SOX6: variants seen among roughly 807,000 people sequenced by gnomAD.
The protein encoded by SOX6 is SRY-box transcription factor 6.
Under a neutral mutation model 97.8 loss-of-function variants are expected in SOX6, and 11 were observed. The ratio of observed to expected loss-of-function variants is 0.11; its 90% CI spans 0.07 to 0.19. The LOEUF (loss-of-function observed/expected upper bound fraction) is 0.19, where lower values mean the gene tolerates loss of function less well. Among genes scored for constraint, SOX6 ranks in the 10% least tolerant of loss-of-function variants. The pLI is 1.00. For missense variants in SOX6, 810 were observed against 1,039.5 expected, an observed-to-expected ratio of 0.78 and a Z score of 3.04; for synonymous variants, 360 against 371.4, an observed-to-expected ratio of 0.97 and a Z score of 0.35.
At chr11:16,054,867 G>A (rs1216693245) in intron 10 of SOX6, among the ~76,000 whole-genome samples, 3 of 152,116 alleles carry the variant, frequency 2.0e-5, no homozygotes, top group Admixed American at 6.6e-5. Flanking sequence ...AAACCAACAA[G>A]TACCACCTAT....
intron 1 of SOX6, among the ~76,000 whole-genome samples, chr11:16,430,852 C>T (rs1449395010): frequency 6.6e-6 from 1 of 152,178 alleles, no homozygotes; most frequent in Non-Finnish European, 1.5e-5. Flanking sequence ...GACCATGTCA[C>T]TTTTCTGCTG....
At chr11:16,273,317 T>C (rs1489664375) in intron 3 of SOX6, among the ~76,000 whole-genome samples, 3 of 151,990 alleles carry the variant, frequency 2.0e-5, no homozygotes, top group South Asian at 2.1e-4. Flanking sequence ...ATCTTCTTCA[T>C]TTTCAATCTG....
intron 12 of SOX6, chr11:16,023,065 T>A (rs1855114156): frequency 1.3e-5 from 2 of 152,158 alleles, no homozygotes; most frequent in African/African-American, 4.8e-5. Context: ...GATGACATCA[T>A]AATTAGTCCT....
intron 4 of SOX6, among the ~76,000 whole-genome samples, chr11:16,544,223 G>C (rs1469270564): frequency 1.3e-5 from 2 of 152,186 alleles, no homozygotes; most frequent in South Asian, 4.2e-4. Flanking sequence ...GAGAAATGGT[G>C]AGTGACTGCT....
At chr11:16,020,021 C>T (rs1477672584) in intron 12 of SOX6, among the ~76,000 whole-genome samples, 1 of 152,002 alleles carries the variant, frequency 6.6e-6, no homozygotes, top group Non-Finnish European at 1.5e-5. Context: ...GTTTGATTTC[C>T]ATTTGTGTAT....
chr11:16,338,948 T>A (rs1856547113), intron 2 of SOX6, among the ~76,000 whole-genome samples: 1 of 152,048 alleles, frequency 6.6e-6, no homozygotes, highest in African/African-American at 2.4e-5. Context: ...AGTATAGTGT[T>A]CTCAAAGAAA....
intron 4 of SOX6, among the ~76,000 whole-genome samples, chr11:16,520,177 G>A (rs1384199770): frequency 6.6e-6 from 1 of 152,096 alleles, no homozygotes; most frequent in African/African-American, 2.4e-5. Context: ...TGTTTCTTTT[G>A]CTGTATAGAA....
rs1274939785 is a variant in SOX6 at position 15,969,747 on chromosome 11, T to C, written c.*3062A>G. ...AATCTAAAATGAGATGGTAAAGTCA[T>C]ATAAACTTTGTTTAAGCCCCACTGA... On this transcript the variant is annotated 3_prime_UTR_variant, in exon 16 of 16. Transcript: ENST00000683767. 1.3e-5 allele frequency: 2 copies of C among 152,252 alleles called. No individual in the cohort carries two copies. Among genetic ancestry groups the C allele is most frequent in the Non-Finnish European group, 2.9e-5 (2 of 68,046 alleles). The allele number at this position is 152,252 out of a possible 1,614,324, so 9.4% of individuals were successfully genotyped here.
chr11:15,980,455 T>C (rs2119816576), intron 15 of SOX6, among the ~76,000 whole-genome samples: 1 of 152,104 alleles, frequency 6.6e-6, no homozygotes, highest in Non-Finnish European at 1.5e-5. Flanking sequence ...ATCACGCTGA[T>C]CTTGCTCTCT....
At chr11:16,463,498 A>G (rs377558635) in intron 1 of SOX6, among the ~76,000 whole-genome samples, 1 of 152,242 alleles carries the variant, frequency 6.6e-6, no homozygotes, top group East Asian at 1.9e-4. Context: ...TGGGTATTGC[A>G]GGGGAGGAAG....
chr11:16,560,212 A>C (rs1043186281), intron 4 of SOX6, among the ~76,000 whole-genome samples: 1 of 152,138 alleles, frequency 6.6e-6, no homozygotes, highest in Non-Finnish European at 1.5e-5. Flanking sequence ...TTAAAATTGG[A>C]AGCTAGAATG....
At chr11:16,665,877 G>A (rs1014750067) in intron 3 of SOX6, among the ~76,000 whole-genome samples, 2 of 152,148 alleles carry the variant, frequency 1.3e-5, no homozygotes, top group African/African-American at 2.4e-5. Flanking sequence ...TAAGGAAAAA[G>A]AACAAGTGTC....
chr11:16,114,009 C>T (rs1849286562), intron 6 of SOX6, among the ~76,000 whole-genome samples: 1 of 152,242 alleles, frequency 6.6e-6, no homozygotes, highest in East Asian at 1.9e-4. Flanking sequence ...TATAGTCACT[C>T]TGAGTAAAGA....
intron 4 of SOX6, among the ~76,000 whole-genome samples, chr11:16,490,823 T>G (rs1327467167): frequency 1.3e-5 from 2 of 152,076 alleles, no homozygotes; most frequent in African/African-American, 4.8e-5. Flanking sequence ...TATAAAAGAC[T>G]TAATTAATAT....
intron 13 of SOX6, among the ~76,000 whole-genome samples, chr11:15,992,387 C>A (rs547906481): frequency 6.6e-6 from 1 of 152,270 alleles, no homozygotes; most frequent in Admixed American, 6.5e-5. Flanking sequence ...TGCCCAGATC[C>A]CTTTGCAAAA....
At chr11:16,404,221 G>A (rs1858630608) in intron 1 of SOX6, among the ~76,000 whole-genome samples, 1 of 151,806 alleles carries the variant, frequency 6.6e-6, no homozygotes, top group Non-Finnish European at 1.5e-5. Context: ...GTATTAAATT[G>A]TAAATAAGAC....
At chr11:16,334,718 A>C (rs1422310294) in intron 2 of SOX6, among the ~76,000 whole-genome samples, 1 of 152,102 alleles carries the variant, frequency 6.6e-6, no homozygotes, top group Admixed American at 6.6e-5. Context: ...ATGAGCCACC[A>C]CGCCTAGCCT....
At chr11:16,560,712 G>C (rs1024766948) in intron 4 of SOX6, among the ~76,000 whole-genome samples, 1 of 151,934 alleles carries the variant, frequency 6.6e-6, no homozygotes, top group Non-Finnish European at 1.5e-5. Context: ...CAGGATGAAA[G>C]GACAGTATGA....
intron 3 of SOX6, among the ~76,000 whole-genome samples, chr11:16,712,231 T>C (rs1205848560): frequency 1.3e-5 from 2 of 152,178 alleles, no homozygotes; most frequent in Non-Finnish European, 2.9e-5. Flanking sequence ...ATCTTTTTCA[T>C]ATAATGGCTT....
Sources: allele counts gnomAD v4.1 joint callset (sites outside exome capture counted in the v4.1 genomes callset), GRCh38; gene constraint gnomAD v4.1.1; transcripts MANE v1.5; gene names NCBI Gene and HGNC (gene_info 2026-07-23, HGNC 2026-07-21).